SLC25A17: variants seen among roughly 807,000 people sequenced by gnomAD.
SLC25A17 encodes the protein peroxisomal membrane protein PMP34.
A neutral mutation model predicts 38.5 loss-of-function variants in SLC25A17; 26 were observed. That is an observed-to-expected ratio of 0.68 (90% confidence interval 0.50 to 0.94). The LOEUF (loss-of-function observed/expected upper bound fraction) is 0.94. Ranked by LOEUF, SLC25A17 falls within the 40% of genes least tolerant of loss-of-function variation. SLC25A17 has a pLI of 0.00. For missense variants in SLC25A17, 333 were observed against 372.7 expected (o/e 0.89, Z 0.88); for synonymous variants, 139 against 136.2 (o/e 1.02, Z -0.14).
In SLC25A17 at chr22:40,789,214, T is replaced by C; in HGVS notation, c.334+3311A>G. On this transcript the variant is annotated intron_variant, in intron 4 of 8. Transcript: ENST00000435456. This position sits in a 1 kb window ranked among gnomAD's most constrained non-coding sequence, Gnocchi z 4.5. ...AGCCACGGCCGAAGCCCCATACCAC[T>C]TGGTCCCGGCAGGAGTATGACAGAT... The C allele has an allele frequency of 4.7e-6, 1 of 212,456 alleles. No individual in the cohort carries two copies. Among genetic ancestry groups the C allele is most frequent in the South Asian group, 7.4e-5 (1 of 13,448 alleles). 13.2% of individuals were successfully genotyped at this position (212,456 alleles called of 1,614,324 possible).
chr22:40,797,724 A>G (rs2145683604), intron 2 of SLC25A17, among the ~76,000 whole-genome samples: 1 of 152,392 alleles, frequency 6.6e-6, no homozygotes, highest in South Asian at 2.1e-4. Context: ...AATGATGACC[A>G]GTATTTAAAG....
At chr22:40,811,892 G>A (rs1048360352) in intron 1 of SLC25A17, among the ~76,000 whole-genome samples, 2 of 152,110 alleles carry the variant, frequency 1.3e-5, no homozygotes, top group African/African-American at 4.8e-5. Context: ...CATCCAAACT[G>A]AGATTTGGAG....
At chr22:40,776,489 A>G (rs1396040881) in intron 7 of SLC25A17, among the ~76,000 whole-genome samples, 1 of 152,240 alleles carries the variant, frequency 6.6e-6, no homozygotes, top group Non-Finnish European at 1.5e-5. Flanking sequence ...GTCTTTAAGG[A>G]ACTTGTCTCC....
chr22:40,805,366 T>G (rs2057520994), intron 1 of SLC25A17, among the ~76,000 whole-genome samples: 1 of 152,188 alleles, frequency 6.6e-6, no homozygotes, highest in South Asian at 2.1e-4. Flanking sequence ...CAAAAAAAGA[T>G]AGCAGAGGAA....
intron 1 of SLC25A17, chr22:40,813,984 A>T (rs962576964): frequency 5.2e-5 from 8 of 152,456 alleles, no homozygotes; most frequent in Non-Finnish European, 8.8e-5. Context: ...AACAGTATAG[A>T]ATACTTACAA....
intron 1 of SLC25A17, 59 bp from the exon 2 acceptor site, chr22:40,799,142 T>C: frequency 7.2e-7 from 1 of 1,383,802 alleles, no homozygotes; most frequent in Non-Finnish European, 1.0e-6. Context: ...TCACAACTTT[T>C]TTTTTTTGAG....
rs139416009 is a variant in SLC25A17 at position 40,777,353 on chromosome 22, G to A, written c.472C>T (p.Arg158Cys). 8.7e-6 allele frequency: 14 copies of A among 1,613,702 alleles called. No homozygotes were observed. The South Asian group carries it at 1.1e-4, about 13-fold the overall frequency. The stretch of plus-strand genomic sequence containing the variant: ...CATAAAGCCGAGATTCCTTCATCGC[G>A]AATGATCTGATGAAAAGCATCTAAG... The part of the protein sequence containing the change: ...GIIDAFHQII[R>C]DEGISALWNG... The change falls in exon 6 of 9, where the codon CGC becomes TGC. Residue 158 changes from arginine (R) to cysteine (C), a missense_variant. Arg to Cys is a radical substitution (Grantham distance 180, BLOSUM62 -3). Transcript: ENST00000435456.
rs142703868 is a variant in SLC25A17, at chr22:40,773,946, T to C, written c.767A>G (p.Gln256Arg). Residue 256 changes from glutamine to arginine, a missense_variant, in exon 8 of 9, where the codon CAA becomes CGA. Physicochemically the swap from Gln to Arg is conservative, Grantham distance 43. Coordinates refer to ENST00000435456, the MANE Select transcript of SLC25A17 (RefSeq NM_006358.4). ...CATCTACAAAGCTCACCTTACTCGT[T>C]GGTGAAGAAGATAGAGAATATTCCG... ...SLRNILYLLH[Q>R]RVRRFGIMGL... 2.3e-4 allele frequency: 367 copies of C among 1,606,914 alleles called. 1 individual carries two copies. The African/African-American group carries it at 4.6e-3, about 20-fold the overall frequency.
intron 4 of SLC25A17, among the ~76,000 whole-genome samples, chr22:40,784,087 A>G (rs1206853521): frequency 1.3e-5 from 2 of 152,056 alleles, no homozygotes; most frequent in Non-Finnish European, 2.9e-5. Context: ...CTAACATACT[A>G]TGTATTTTCC....
At chr22:40,809,668 G>T (rs1477101819) in intron 1 of SLC25A17, among the ~76,000 whole-genome samples, 1 of 151,726 alleles carries the variant, frequency 6.6e-6, no homozygotes, top group Non-Finnish European at 1.5e-5. Flanking sequence ...ATATCTCAAT[G>T]ATTTCTCAGT....
chr22:40,795,980 G>T (rs541155475), intron 2 of SLC25A17, among the ~76,000 whole-genome samples: 1 of 151,866 alleles, frequency 6.6e-6, no homozygotes, highest in African/African-American at 2.4e-5. Context: ...GTAGAGACAG[G>T]GTTTTACCAT....
intron 1 of SLC25A17, among the ~76,000 whole-genome samples, chr22:40,813,465 G>A (rs2145710265): frequency 6.6e-6 from 1 of 152,290 alleles, no homozygotes; most frequent in South Asian, 2.1e-4. Flanking sequence ...TTGAACCTGG[G>A]AGGCAGAGGT....
intron 7 of SLC25A17, among the ~76,000 whole-genome samples, chr22:40,774,237 TTTTTG>T (rs996673501): frequency 6.6e-6 from 1 of 151,872 alleles, no homozygotes; most frequent in African/African-American, 2.4e-5. Flanking sequence ...TTTTTTTTTT[TTTTTG>T]AGACATCTTC....
chr22:40,777,491 T>C (rs1429293311), intron 5 of SLC25A17, 118 bp from the exon 6 acceptor site: 2 of 1,218,372 alleles, frequency 1.6e-6, no homozygotes, highest in Non-Finnish European at 1.1e-6. Flanking sequence ...CTATAAAGAT[T>C]TCCTTCTTGC....
intron 1 of SLC25A17, among the ~76,000 whole-genome samples, chr22:40,807,036 T>C (rs765811736): frequency 3.9e-5 from 6 of 152,204 alleles, no homozygotes; most frequent in Non-Finnish European, 7.4e-5. Flanking sequence ...TTTACACTTA[T>C]CATGCTTTCA....
chr22:40,802,182 C>T (rs1188997005), intron 1 of SLC25A17, among the ~76,000 whole-genome samples: 2 of 152,178 alleles, frequency 1.3e-5, no homozygotes, highest in Non-Finnish European at 2.9e-5. Flanking sequence ...AAACACTGGG[C>T]CACCTTCATC....
intron 4 of SLC25A17, 69 bp from the exon 5 acceptor site, chr22:40,779,194 G>C (rs753762171): frequency 2.0e-5 from 32 of 1,610,628 alleles, no homozygotes; most frequent in Non-Finnish European, 2.6e-5. Flanking sequence ...CTGCTTTAAA[G>C]CTACATACCA....
chr22:40,816,206 A>G (rs940889965), intron 1 of SLC25A17, among the ~76,000 whole-genome samples: 1 of 152,054 alleles, frequency 6.6e-6, no homozygotes, highest in Admixed American at 6.5e-5. Flanking sequence ...CTCAAAAAAA[A>G]AAAAAGAAAG....
chr22:40,772,114 G>A (rs985686588), intron 8 of SLC25A17, among the ~76,000 whole-genome samples: 11 of 151,720 alleles, frequency 7.3e-5, no homozygotes, highest in African/African-American at 2.7e-4. Flanking sequence ...TGAAGTGGAT[G>A]GCTGGGTCCT....
Sources: allele counts gnomAD v4.1 joint callset (sites outside exome capture counted in the v4.1 genomes callset), GRCh38; gene constraint gnomAD v4.1.1; non-coding constraint Gnocchi (gnomAD v3.1); transcripts MANE v1.5; gene names NCBI Gene and HGNC (gene_info 2026-07-23, HGNC 2026-07-21).